STYXL2: variants seen among roughly 807,000 people sequenced by gnomAD.
The protein encoded by STYXL2 is serine/threonine/tyrosine-interacting-like protein 2.
In STYXL2, 44 loss-of-function variants were observed where a neutral mutation model predicts 52.4. The observed-to-expected ratio is 0.84, with a 90% CI of 0.66 to 1.08. STYXL2 has a LOEUF of 1.08. Among genes scored for constraint, STYXL2 ranks in the 50% least tolerant of loss-of-function variants. The probability of loss-of-function intolerance (pLI) is 0.00; values close to 1 mark genes in which losing one functional copy is unlikely to be tolerated. For missense variants in STYXL2, 1,604 were observed against 1,471.7 expected (o/e 1.09, Z -1.47); for synonymous variants, 604 against 586.9 (o/e 1.03, Z -0.42).
chr1:167,126,175 G>C lies in STYXL2; in HGVS notation c.1044G>C (p.Glu348Asp), dbSNP rs759073443. Reference protein sequence around the residue: ...PLTLIDEEEEEKLYEQWKKGQ... With the variant: ...PLTLIDEEEEDKLYEQWKKGQ... ...CCCTCATAGACGAGGAGGAGGAGGA[G>C]AAACTGTACGAGCAGTGGAAGAAGG... The change falls in exon 6 of 6, where the codon GAG becomes GAC. Residue 348 changes from glutamate to aspartate, a missense_variant. By Grantham distance (45) the Glu-to-Asp change is conservative (BLOSUM62 2). Coordinates refer to ENST00000361200, the MANE Select transcript of STYXL2 (RefSeq NM_001080426.3). The C allele has an allele frequency of 6.6e-7, 1 of 1,516,054 alleles. No homozygotes were observed. The highest frequency in any genetic ancestry group is 1.4e-5 in the African/African-American group (1 of 71,800). The allele number at this position is 1,516,054 out of a possible 1,614,324, so 93.9% of individuals were successfully genotyped here. A position where few individuals can be genotyped will look rare whatever the true frequency, so the allele number is the denominator to read the frequency against.
chr1:167,127,539 C>T lies in STYXL2; in HGVS notation c.2408C>T (p.Thr803Ile). Residue 803 changes from threonine (T) to isoleucine (I), a missense_variant, in exon 6 of 6, where the codon ACC becomes ATC. Thr to Ile is a moderately conservative substitution (Grantham distance 89). Coordinates refer to ENST00000361200, the MANE Select transcript of STYXL2 (RefSeq NM_001080426.3). The part of the protein sequence containing the change: ...SDMQSVLSCN[T>I]TLSSPAESCR... ...ATGCAGTCTGTGCTGTCCTGCAACA[C>T]CACACTGAGCTCACCCGCGGAAAGT... 1.2e-6 allele frequency: 2 copies of T among 1,614,104 alleles called. No individual in the cohort carries two copies. Among genetic ancestry groups the T allele is most frequent in the Non-Finnish European group, 1.7e-6 (2 of 1,180,000 alleles).
chr1:167,120,364 T>C (rs974366135), intron 5 of STYXL2, among the ~76,000 whole-genome samples: 2 of 152,224 alleles, frequency 1.3e-5, no homozygotes, highest in Non-Finnish European at 2.9e-5. Flanking sequence ...CCTTGGGCCA[T>C]TTCCTTTAGC....
Position 167,119,233 on chromosome 1 carries a change from C to A in STYXL2, c.438-16C>A. On this transcript the variant is annotated splice_polypyrimidine_tract_variant and intron_variant, in intron 4 of 5. Transcript: ENST00000361200. ...AGTTCCGACTCTTGCAAACAGGTCC[C>A]TGCCTCTTCCCGCAGGAGTGTGGCT... 6.2e-7 allele frequency: 1 copy of A among 1,613,234 alleles called. No individual in the cohort carries two copies. The highest frequency in any genetic ancestry group is 1.7e-5 in the Admixed American group (1 of 59,960).
intron 2 of STYXL2, among the ~76,000 whole-genome samples, chr1:167,111,604 A>T (rs185326411): frequency 2.0e-5 from 3 of 151,002 alleles, no homozygotes; most frequent in African/African-American, 7.3e-5. Context: ...AGCAACCTGG[A>T]TGGAATTGGA....
At position 167,128,768 on chromosome 1, in the gene STYXL2, G is replaced by C; in HGVS notation, c.*160G>C. ...ACCAAGCATAAGGGCAGCAGAGGTG[G>C]AGTAGGGAGGAGGCAAGGAGGGGGA... On this transcript the variant is annotated 3_prime_UTR_variant, in exon 6 of 6. Coordinates refer to ENST00000361200, the MANE Select transcript of STYXL2 (RefSeq NM_001080426.3). 8.3e-7 allele frequency: 1 copy of C among 1,205,836 alleles called. No individual in the cohort carries two copies. The highest frequency in any genetic ancestry group is 1.1e-6 in the Non-Finnish European group (1 of 894,694). 74.7% of individuals were successfully genotyped at this position (1,205,836 alleles called of 1,614,324 possible).
At chr1:167,107,020 C>T (rs1667518192) in intron 2 of STYXL2, among the ~76,000 whole-genome samples, 1 of 152,108 alleles carries the variant, frequency 6.6e-6, no homozygotes. Flanking sequence ...CAGGACTTGA[C>T]CGGGCAGTTT....
In STYXL2 at chr1:167,094,888, C is replaced by T; in HGVS notation, c.39C>T (p.Val13=). Reference sequence around the variant, plus strand: ...AGGACACAGAGGAGGAGCAGGTAGTCCCAAGCGAGGAGGACGAAGCCAACG... The same window carrying T: ...AGGACACAGAGGAGGAGCAGGTAGTTCCAAGCGAGGAGGACGAAGCCAACG... ...TRKDTEEEQV[V]PSEEDEANVR... The change falls in exon 2 of 6, where the codon GTC becomes GTT. Residue 13 remains valine, a synonymous_variant. Coordinates refer to ENST00000361200, the MANE Select transcript of STYXL2 (RefSeq NM_001080426.3). 4 of 1,613,380 alleles carry T rather than the reference C, an allele frequency of 2.5e-6. No individual in the cohort carries two copies. The highest frequency in any genetic ancestry group is 3.4e-6 in the Non-Finnish European group (4 of 1,179,820).
At position 167,126,418 on chromosome 1, in the gene STYXL2, G is replaced by A. The variant is rs2102249203; in HGVS notation, c.1287G>A (p.Arg429=). 1 of 1,560,720 alleles carries A rather than the reference G, an allele frequency of 6.4e-7. No individual in the cohort carries two copies. The highest frequency in any genetic ancestry group is 8.7e-7 in the Non-Finnish European group (1 of 1,152,916). Residue 429 remains arginine, a synonymous_variant, in exon 6 of 6, where the codon AGG becomes AGA. Transcript: ENST00000361200. ...EESDAGSSVG[R]RRRTLSESSA... is the part of the protein sequence containing the mutation. ...GCGACGCTGGCTCCTCGGTGGGGAG[G>A]CGGCGGCGCACCCTGAGCGAGAGCA...
chr1:167,128,215 G>A lies in STYXL2; in HGVS notation c.3084G>A (p.Glu1028=), dbSNP rs368805229. ...MHKFSRSTYN[E]TSSSREESPE... ...AGTTCTCCAGGTCCACGTACAACGAGACCTCAAGTTCCCGAGAGGAGAGCC... is the reference window on the plus strand; with the variant it reads ...AGTTCTCCAGGTCCACGTACAACGAAACCTCAAGTTCCCGAGAGGAGAGCC... Residue 1028 remains glutamate, a synonymous_variant, in exon 6 of 6, where the codon GAG becomes GAA. Transcript: ENST00000361200. 2 of 1,614,186 alleles carry A rather than the reference G, an allele frequency of 1.2e-6. No individual in the cohort carries two copies. The highest frequency in any genetic ancestry group is 1.7e-6 in the Non-Finnish European group (2 of 1,180,038).
At chr1:167,098,487 T>C (rs1328841445) in intron 2 of STYXL2, among the ~76,000 whole-genome samples, 1 of 152,206 alleles carries the variant, frequency 6.6e-6, no homozygotes, top group Middle Eastern at 3.4e-3. Flanking sequence ...AAAAATAAAA[T>C]AAGGATATAC....
intron 1 of STYXL2, 74 bp from the exon 2 acceptor site, chr1:167,094,760 C>A (rs1366376496): frequency 3.9e-6 from 4 of 1,038,230 alleles, no homozygotes; most frequent in African/African-American, 3.2e-5. Context: ...GGTGACATCA[C>A]CAACACAACT....
chr1:167,120,140 G>C (rs555594498), intron 5 of STYXL2, among the ~76,000 whole-genome samples: 1 of 152,322 alleles, frequency 6.6e-6, no homozygotes, highest in South Asian at 2.1e-4. Context: ...AGAACAGACC[G>C]AGTTGGGAAG....
In STYXL2 at chr1:167,120,900, AGGTATGTAT is replaced by A. The variant is rs560147503; in HGVS notation, c.655+1436_655+1444del. Among the ~76,000 whole-genome samples, 30 of 101,898 alleles carry A rather than the reference AGGTATGTAT, an allele frequency of 2.9e-4. 2 individuals are homozygous for A. Among genetic ancestry groups the A allele is most frequent in the African/African-American group, 6.3e-4 (19 of 29,986 alleles). The allele number at this position is 101,898 out of a possible 152,430, so 66.8% of individuals were successfully genotyped here. ...TATATATATATACAGAGAGAGAGAG[AGGTATGTAT>A]GTGTATATATACAGACATGTATACA... On this transcript the variant is annotated intron_variant, in intron 5 of 5. Coordinates refer to ENST00000361200, the MANE Select transcript of STYXL2 (RefSeq NM_001080426.3).
At chr1:167,094,780 A>G (rs16858433) in intron 1 of STYXL2, 54 bp from the exon 2 acceptor site, 53,410 of 1,310,762 alleles carry the variant, frequency 0.041, 1,360 homozygotes, top group African/African-American at 0.075. Context: ...TTCTCCCCCA[A>G]CAAAACCTCA....
rs774348030 is a variant in STYXL2 at position 167,126,688 on chromosome 1, T to C, written c.1557T>C (p.Asp519=). The change falls in exon 6 of 6, where the codon GAT becomes GAC. Residue 519 remains aspartate (D), a synonymous_variant. Coordinates refer to ENST00000361200, the MANE Select transcript of STYXL2 (RefSeq NM_001080426.3). ...SEAGSRVRED[D]EDSVGSEASS... is the part of the protein sequence containing the mutation. ...CAGGGAGCAGGGTGCGGGAGGATGATGAGGACAGCGTGGGCTCTGAGGCCA... is the reference window on the plus strand; with the variant it reads ...CAGGGAGCAGGGTGCGGGAGGATGACGAGGACAGCGTGGGCTCTGAGGCCA... 1 of 1,614,068 alleles carries C rather than the reference T, an allele frequency of 6.2e-7. No homozygotes were observed.
Position 167,102,207 on chromosome 1 carries a change from G to C in STYXL2, c.110+7248G>C, listed in dbSNP as rs561416648. Among the ~76,000 whole-genome samples the C allele has an allele frequency of 2.0e-5, 3 of 152,200 alleles. No individual in the cohort carries two copies. In the South Asian group the frequency reaches 6.2e-4, roughly 32 times the overall value. On this transcript the variant is annotated intron_variant, in intron 2 of 5. Coordinates refer to ENST00000361200, the MANE Select transcript of STYXL2 (RefSeq NM_001080426.3). The stretch of plus-strand genomic sequence containing the variant: ...GGGGCACACGGGATGATGTGACCTT[G>C]GTTGCAGTGATGGCTTCACGGATGT...
chr1:167,095,165 T>G (rs1163587516), intron 2 of STYXL2, among the ~76,000 whole-genome samples: 2 of 150,048 alleles, frequency 1.3e-5, no homozygotes, highest in African/African-American at 4.9e-5. Context: ...GTGCTAGATA[T>G]TAATATGACC....
rs746596317 is a variant in STYXL2 at position 167,117,412 on chromosome 1, A to G, written c.290A>G (p.Tyr97Cys). The change falls in exon 4 of 6, where the codon TAC becomes TGC. Residue 97 changes from tyrosine to cysteine, a missense_variant. Coordinates refer to ENST00000361200, the MANE Select transcript of STYXL2 (RefSeq NM_001080426.3). ...SAEQLLVEDL[Y>C]NRVREKMDDT... The stretch of plus-strand genomic sequence containing the variant: ...GAACAGCTGCTGGTGGAGGACCTGT[A>G]CAACCGCGTCAGGGAGAAGATGGAT... 1 of 1,612,858 alleles carries G rather than the reference A, an allele frequency of 6.2e-7. No homozygotes were observed. Among genetic ancestry groups the G allele is most frequent in the South Asian group, 1.1e-5 (1 of 90,686 alleles).
chr1:167,126,602 G>C lies in STYXL2; in HGVS notation c.1471G>C (p.Ala491Pro), dbSNP rs1667974910. Residue 491 changes from alanine to proline, a missense_variant, in exon 6 of 6, where the codon GCT (alanine) becomes CCT (proline). Ala to Pro is a conservative substitution (Grantham distance 27). Coordinates refer to ENST00000361200, the MANE Select transcript of STYXL2 (RefSeq NM_001080426.3). ...NERLLEIEKE[A>P]SRRYHAKSKR... ...GAGGCTGCTGGAGATTGAGAAGGAG[G>C]CTTCCCGGAGGTACCACGCCAAGAG... 6.2e-7 allele frequency: 1 copy of C among 1,613,914 alleles called. No homozygotes were observed. The highest frequency in any genetic ancestry group is 8.5e-7 in the Non-Finnish European group (1 of 1,180,012).
Sources: allele counts gnomAD v4.1 joint callset (sites outside exome capture counted in the v4.1 genomes callset), GRCh38; gene constraint gnomAD v4.1.1; transcripts MANE v1.5; gene names NCBI Gene and HGNC (gene_info 2026-07-23, HGNC 2026-07-21).